Variants in TULP4 observed in about 807,000 individuals in gnomAD.
TULP4 encodes tubby-related protein 4.
TULP4 carries 16 observed loss-of-function variants against 129.0 expected under a neutral mutation model. That is an observed-to-expected ratio of 0.12 (90% CI 0.08 to 0.19). The LOEUF (loss-of-function observed/expected upper bound fraction) is 0.19, where lower values mean the gene tolerates loss of function less well. Among genes scored for constraint, TULP4 ranks in the 10% least tolerant of loss-of-function variants. The pLI is 1.00. For missense variants in TULP4, 1,842 were observed against 2,059.1 expected (o/e 0.89, Z 2.04); for synonymous variants, 998 against 854.0 (o/e 1.17, Z -2.94).
At chr6:158,330,025 T>G (rs2128491478) in intron 1 of TULP4, among the ~76,000 whole-genome samples, 1 of 38,216 alleles carries the variant, frequency 2.6e-5, no homozygotes, top group South Asian at 1.6e-3. Flanking sequence ...AATAGACACA[T>G]TAAAAGTAAA....
At chr6:158,291,130 A>T (rs1778931903) in intron 1 of TULP4, among the ~76,000 whole-genome samples, 1 of 152,122 alleles carries the variant, frequency 6.6e-6, no homozygotes, top group African/African-American at 2.4e-5. Context: ...GACATTGTTT[A>T]ATTTTACCTA....
chr6:158,354,519 A>G (rs1017391660), intron 1 of TULP4, among the ~76,000 whole-genome samples: 2 of 152,244 alleles, frequency 1.3e-5, no homozygotes, highest in African/African-American at 4.8e-5. Flanking sequence ...TTAACACGGT[A>G]TCAGCTTTTT....
intron 1 of TULP4, among the ~76,000 whole-genome samples, chr6:158,362,875 G>A (rs1780828718): frequency 6.6e-6 from 1 of 150,676 alleles, no homozygotes; most frequent in South Asian, 2.1e-4. Flanking sequence ...GCCTGGCCAA[G>A]TTGGTGAAAC....
intron 1 of TULP4, among the ~76,000 whole-genome samples, chr6:158,240,031 C>CA (rs1777837396): frequency 8.9e-6 from 1 of 111,876 alleles, no homozygotes; most frequent in African/African-American, 3.3e-5. Context: ...GGCGGCTGGC[C>CA]GGGCGGGGGG....
chr6:158,446,491 C>T (rs1209884979), intron 3 of TULP4, among the ~76,000 whole-genome samples: 4 of 152,142 alleles, frequency 2.6e-5, no homozygotes, highest in Non-Finnish European at 4.4e-5. Context: ...TCTGTCCTTT[C>T]TTCTCTAAAA....
intron 1 of TULP4, among the ~76,000 whole-genome samples, chr6:158,276,261 C>T (rs997001692): frequency 5.3e-5 from 8 of 151,470 alleles, no homozygotes; most frequent in Admixed American, 3.9e-4. Flanking sequence ...TGAGCCACTG[C>T]GCCCGGCTGG....
At chr6:158,435,178 A>C (rs1265096620) in intron 3 of TULP4, among the ~76,000 whole-genome samples, 2 of 152,160 alleles carry the variant, frequency 1.3e-5, no homozygotes, top group Non-Finnish European at 2.9e-5. Context: ...AAGCTTATGG[A>C]AGTTAGTGAC....
chr6:158,372,103 C>T (rs1023374799), intron 1 of TULP4, among the ~76,000 whole-genome samples: 1 of 148,126 alleles, frequency 6.8e-6, no homozygotes, highest in Admixed American at 6.8e-5. Context: ...GCATAAGCCA[C>T]CATGCCAAGC....
At chr6:158,506,452 C>G in intron 13 of TULP4, 126 bp from the exon 14 acceptor site, 2 of 732,476 alleles carry the variant, frequency 2.7e-6, no homozygotes, top group Non-Finnish European at 5.0e-6. Flanking sequence ...AGGGTGGTCT[C>G]TATCTCCTGA....
chr6:158,480,757 T>TTATA (rs1402301389), intron 7 of TULP4, among the ~76,000 whole-genome samples: 1 of 152,160 alleles, frequency 6.6e-6, no homozygotes, highest in African/African-American at 2.4e-5. Context: ...CACCGGTGTA[T>TTATA]TATATAGCAT....
rs375874671 is a variant in TULP4 at position 158,428,896 on chromosome 6, A to G, written c.382-840A>G. On this transcript the variant is annotated intron_variant, in intron 2 of 13. Coordinates refer to ENST00000367097, the MANE Select transcript of TULP4 (RefSeq NM_020245.5). ...CAGTAATACCTTCCGCAGACTGTTG[A>G]CTTGAGGCTTAATGAATTAATGTAC... is the stretch of plus-strand genomic sequence containing the variant. Among the ~76,000 whole-genome samples the G allele has an allele frequency of 9.5e-4, 145 of 152,314 alleles. 2 individuals carry two copies. Among genetic ancestry groups the G allele is most frequent in the African/African-American group, 3.2e-3 (133 of 41,566 alleles).
At chr6:158,253,774 C>T (rs929110830) in intron 1 of TULP4, among the ~76,000 whole-genome samples, 9 of 152,188 alleles carry the variant, frequency 5.9e-5, no homozygotes, top group Admixed American at 2.6e-4. Flanking sequence ...GTGGCTCATG[C>T]CTTTAATCCC....
intron 1 of TULP4, among the ~76,000 whole-genome samples, chr6:158,368,122 G>A (rs985081888): frequency 3.4e-5 from 5 of 146,824 alleles, no homozygotes; most frequent in East Asian, 2.0e-4. Flanking sequence ...TGAGTTGTAC[G>A]TGGACATTTG....
At chr6:158,297,789 G>A (rs547108564) in intron 1 of TULP4, among the ~76,000 whole-genome samples, 10 of 152,212 alleles carry the variant, frequency 6.6e-5, no homozygotes, top group South Asian at 4.1e-4. Flanking sequence ...AGCGGTGCAC[G>A]TATTATCTTG....
intron 5 of TULP4, among the ~76,000 whole-genome samples, chr6:158,456,294 A>G (rs1449713936): frequency 6.6e-6 from 1 of 152,234 alleles, no homozygotes; most frequent in African/African-American, 2.4e-5. Flanking sequence ...AGCAGCTTCT[A>G]AGGCATGCTT....
chr6:158,450,958 C>A (rs546230124), intron 4 of TULP4, among the ~76,000 whole-genome samples: 1 of 151,838 alleles, frequency 6.6e-6, no homozygotes, highest in Non-Finnish European at 1.5e-5. Flanking sequence ...CCAGCTACTC[C>A]GGAGGCTGAG....
chr6:158,455,059 T>TAATTATTACCTAACTAGATA (rs1562573433), intron 5 of TULP4, among the ~76,000 whole-genome samples: 1 of 24,398 alleles, frequency 4.1e-5, no homozygotes, highest in African/African-American at 6.7e-4. Context: ...TTTAACATTT[T>TAATTATTACCTAACTAGATA]TTTTTTTTTT....
intron 3 of TULP4, among the ~76,000 whole-genome samples, chr6:158,448,018 C>G (rs1363760679): frequency 6.6e-6 from 1 of 152,132 alleles, no homozygotes; most frequent in African/African-American, 2.4e-5. Context: ...TGCCCAGGAC[C>G]CAAGATTCCT....
In TULP4 at chr6:158,454,021, G is replaced by GC. The variant is rs938075482; in HGVS notation, c.859+1762dup. ...CAAGAATCATACCTGCCTCTGCACC[G>GC]CCCCCCCCCAAGTAATTACTCTATT... On this transcript the variant is annotated intron_variant, in intron 5 of 13. Coordinates refer to ENST00000367097, the MANE Select transcript of TULP4 (RefSeq NM_020245.5). Among the ~76,000 whole-genome samples, 298 of 107,178 alleles carry GC rather than the reference G, an allele frequency of 2.8e-3. 6 individuals are homozygous for GC. The highest frequency in any genetic ancestry group is 0.027 in the Middle Eastern group (5 of 186). The allele number at this position is 107,178 out of a possible 152,430, so 70.3% of individuals were successfully genotyped here. A position where few individuals can be genotyped will look rare whatever the true frequency, so the allele number is the denominator to read the frequency against.
Sources: allele counts gnomAD v4.1 joint callset (sites outside exome capture counted in the v4.1 genomes callset), GRCh38; gene constraint gnomAD v4.1.1; transcripts MANE v1.5; gene names NCBI Gene and HGNC (gene_info 2026-07-23, HGNC 2026-07-21).